The following VPS13C variants were observed in gnomAD, a reference collection of about 807,000 sequenced individuals.
The protein encoded by VPS13C is vacuolar protein sorting 13 homolog C, also known as intermembrane lipid transfer protein VPS13C.
VPS13C carries 358 observed loss-of-function variants against 456.8 expected under a neutral mutation model. That is an observed-to-expected ratio of 0.78 (90% confidence interval 0.72 to 0.86). The LOEUF (loss-of-function observed/expected upper bound fraction) is 0.86, where lower values mean the gene tolerates loss of function less well. Ranked by LOEUF, VPS13C falls within the 40% of genes least tolerant of loss-of-function variation. VPS13C has a pLI of 0.00. For synonymous variants in VPS13C, 1,578 were observed against 1,486.7 expected, an observed-to-expected ratio of 1.06 and a Z score of -1.41; for missense variants, 4,818 against 4,385.4, an observed-to-expected ratio of 1.10 and a Z score of -2.79.
chr15:61,969,532 T>A, intron 27 of VPS13C, 80 bp from the exon 28 acceptor site: 1 of 946,916 alleles, frequency 1.1e-6, no homozygotes, highest in African/African-American at 1.7e-5. Flanking sequence ...TCTTTCTCCA[T>A]ACACATCACC....
chr15:62,028,794 C>T (rs1485676228), intron 5 of VPS13C, among the ~76,000 whole-genome samples: 1 of 151,986 alleles, frequency 6.6e-6, no homozygotes, highest in Non-Finnish European at 1.5e-5. Context: ...TATAATATTA[C>T]TGTGATATTT....
chr15:61,968,484 C>T (rs1160002895), intron 28 of VPS13C, among the ~76,000 whole-genome samples: 6 of 151,918 alleles, frequency 3.9e-5, no homozygotes, highest in African/African-American at 1.4e-4. Context: ...CCACAGAAGT[C>T]CCAGAATCAA....
chr15:61,883,595 T>C (rs1403820098), intron 68 of VPS13C, among the ~76,000 whole-genome samples: 1 of 152,152 alleles, frequency 6.6e-6, no homozygotes, highest in Non-Finnish European at 1.5e-5. Context: ...TGACTTTTAG[T>C]CTTAACTGTG....
intron 74 of VPS13C, 73 bp downstream of exon 74, chr15:61,878,534 G>C (rs1220852176): frequency 6.5e-7 from 1 of 1,547,456 alleles, no homozygotes; most frequent in Non-Finnish European, 8.7e-7. Context: ...CATTGCACAA[G>C]TGGAGAGAAT....
In VPS13C at chr15:61,913,302, G is replaced by C. The variant is rs376992944; in HGVS notation, c.8550+9C>G. 3 of 1,611,148 alleles carry C rather than the reference G, an allele frequency of 1.9e-6. No individual in the cohort carries two copies. The African/African-American group carries it at 4.0e-5, about 22-fold the overall frequency. ...GGAATCAAAGGTAAATAAGGAAGCAGAATCTTACCAGGTACTCCATATTGT... is the reference window on the plus strand; with the variant it reads ...GGAATCAAAGGTAAATAAGGAAGCACAATCTTACCAGGTACTCCATATTGT... On this transcript the variant is annotated intron_variant, in intron 62 of 84. Coordinates refer to ENST00000644861, the MANE Select transcript of VPS13C (RefSeq NM_020821.3).
rs67786303 is a variant in VPS13C at position 62,015,960 on chromosome 15, CAAAAAAAAAAAAA to C, written c.685-1981_685-1969del. Among the ~76,000 whole-genome samples, 7 of 72,420 alleles carry C rather than the reference CAAAAAAAAAAAAA, an allele frequency of 9.7e-5. No homozygotes were observed. In the East Asian group the frequency reaches 1.6e-3, roughly 16 times the overall value. The allele number at this position is 72,420 out of a possible 152,430, so 47.5% of individuals were successfully genotyped here. On this transcript the variant is annotated intron_variant, in intron 9 of 84. Transcript: ENST00000644861. ...AAAATAAAAAATAAAAAAAGAAGTC[CAAAAAAAAAAAAA>C]AAAAAAAAAAACTAGTTTCCTTCAC...
At chr15:61,938,782 T>C (rs1485234722) in intron 47 of VPS13C, among the ~76,000 whole-genome samples, 2 of 152,146 alleles carry the variant, frequency 1.3e-5, no homozygotes, top group African/African-American at 2.4e-5. Context: ...CCATTACAGA[T>C]ATAGCAGAAG....
chr15:61,974,930 AC>A (rs781030979), intron 24 of VPS13C, among the ~76,000 whole-genome samples: 1 of 152,114 alleles, frequency 6.6e-6, no homozygotes, highest in African/African-American at 2.4e-5. Context: ...TCAGTTGCTT[AC>A]TTTTTGGCAG....
chr15:61,920,036 G>A (rs1441801618), intron 57 of VPS13C, 31 bp downstream of exon 57: 2 of 1,491,714 alleles, frequency 1.3e-6, no homozygotes. Flanking sequence ...CAACTGCTAA[G>A]ATACCCTTAA....
At chr15:61,883,834 A>G (rs1896060701) in intron 68 of VPS13C, among the ~76,000 whole-genome samples, 1 of 152,068 alleles carries the variant, frequency 6.6e-6, no homozygotes, top group Admixed American at 6.6e-5. Context: ...AACAAGTTCC[A>G]TAAGACTATC....
Position 61,984,030 on chromosome 15 carries a change from A to C in VPS13C, c.1722-18T>G, listed in dbSNP as rs750902435. On this transcript the variant is annotated intron_variant, in intron 19 of 84. Transcript: ENST00000644861. Reference sequence around the variant, plus strand: ...CTTCTACCCTATAATCCAATGAAGAACAAGGAAAGATGCAGACAAGGTCTT... The same window carrying C: ...CTTCTACCCTATAATCCAATGAAGACCAAGGAAAGATGCAGACAAGGTCTT... 1 of 1,599,850 alleles carries C rather than the reference A, an allele frequency of 6.3e-7. No homozygotes were observed. The highest frequency in any genetic ancestry group is 1.1e-5 in the South Asian group (1 of 90,094).
In VPS13C at chr15:61,944,615, A is replaced by C. The variant is rs567081210; in HGVS notation, c.5148+1100T>G. Among the ~76,000 whole-genome samples the C allele has an allele frequency of 8.5e-5, 13 of 152,236 alleles. No homozygotes were observed. The South Asian group carries it at 2.7e-3, about 32-fold the overall frequency. ...TTCATGGATGTAACATTGGGAAAAA[A>C]AGACACTGCGGACTACTACAGAGAG... On this transcript the variant is annotated intron_variant, in intron 45 of 84. Coordinates refer to ENST00000644861, the MANE Select transcript of VPS13C (RefSeq NM_020821.3).
intron 6 of VPS13C, among the ~76,000 whole-genome samples, chr15:62,024,638 A>G (rs1032626229): frequency 1.5e-4 from 23 of 152,030 alleles, no homozygotes; most frequent in African/African-American, 5.6e-4. Context: ...TAAAATACTA[A>G]TCACATCCTG....
intron 81 of VPS13C, chr15:61,864,804 C>T: frequency 1.0e-6 from 1 of 984,896 alleles, no homozygotes; most frequent in South Asian, 4.7e-5. Flanking sequence ...AATCTTTTAA[C>T]ACTTTTGCCT....
rs749576799 is a variant in VPS13C, at chr15:61,991,705, T to C, written c.1451A>G (p.Lys484Arg). The change falls in exon 17 of 85, where the codon AAG (lysine) becomes AGG (arginine). Residue 484 changes from lysine (K) to arginine (R), a missense_variant. Physicochemically the swap from Lys to Arg is conservative, Grantham distance 26. Coordinates refer to ENST00000644861, the MANE Select transcript of VPS13C (RefSeq NM_020821.3). ...AATCAATGATTCTTCGTCCTTTTTC[T>C]TAGACTCTTTCTTACCCCACAACCC... ...FSGLWGKKES[K>R]KKDEESLIPE... 1.2e-6 allele frequency: 2 copies of C among 1,612,882 alleles called. No individual in the cohort carries two copies. Among genetic ancestry groups the C allele is most frequent in the Non-Finnish European group, 1.7e-6 (2 of 1,179,316 alleles).
At chr15:61,920,743 T>C (rs942018669) in intron 55 of VPS13C, 96 bp from the exon 56 acceptor site, 57 of 1,112,438 alleles carry the variant, frequency 5.1e-5, no homozygotes, top group Non-Finnish European at 5.7e-5. Context: ...GATCACTTTA[T>C]AGTAATGCTT....
chr15:61,978,495 A>T, intron 23 of VPS13C, 131 bp downstream of exon 23: 1 of 1,132,442 alleles, frequency 8.8e-7, no homozygotes, highest in Non-Finnish European at 1.2e-6. Flanking sequence ...TACATGGTTT[A>T]TTTAAGCAGC....
At chr15:61,893,516 T>A (rs2042714389) in intron 66 of VPS13C, among the ~76,000 whole-genome samples, 1 of 151,474 alleles carries the variant, frequency 6.6e-6, no homozygotes, top group African/African-American at 2.4e-5. Context: ...GAAAACAATG[T>A]TAAAATGAAA....
At position 62,007,122 on chromosome 15, in the gene VPS13C, A is replaced by G. The variant is rs922822302; in HGVS notation, c.1290+186T>C. Among the ~76,000 whole-genome samples, 21 of 152,170 alleles carry G rather than the reference A, an allele frequency of 1.4e-4. No homozygotes were observed. In the East Asian group the frequency reaches 2.9e-3, roughly 21 times the overall value. On this transcript the variant is annotated intron_variant, in intron 15 of 84. Coordinates refer to ENST00000644861, the MANE Select transcript of VPS13C (RefSeq NM_020821.3). ...TATTTTATCTGATATTTGCAGGGGG[A>G]AAAAAAGTTTTTTTAAAGAAGAAAA...
Sources: gnomAD v4.1 joint callset for allele counts (sites outside exome capture counted in the v4.1 genomes callset) on GRCh38, gnomAD v4.1.1 for gene constraint, MANE v1.5 for transcripts, NCBI Gene and HGNC (gene_info 2026-07-23, HGNC 2026-07-21) for gene names.